Variants in PLCB4 observed in about 807,000 individuals in gnomAD.
PLCB4 encodes the protein 1-phosphatidylinositol 4,5-bisphosphate phosphodiesterase beta-4.
Under a neutral mutation model 178.8 loss-of-function variants are expected in PLCB4, and 77 were observed. The ratio of observed to expected loss-of-function variants is 0.43; its 90% CI spans 0.36 to 0.52. The LOEUF is 0.52. PLCB4 is among the 20% of genes least tolerant of loss of function. The pLI, the probability that PLCB4 is intolerant of heterozygous loss-of-function variation, is 0.00. For missense variants in PLCB4, 1,024 were observed against 1,453.4 expected (o/e 0.70, Z 4.80); for synonymous variants, 496 against 490.8 (o/e 1.01, Z -0.14).
intron 1 of PLCB4, among the ~76,000 whole-genome samples, chr20:9,078,376 C>CTTCTTTTCT (rs1428726366): frequency 1.1e-4 from 17 of 151,316 alleles, no homozygotes; most frequent in South Asian, 2.1e-4. Context: ...TTCTTCTTCT[C>CTTCTTTTCT]TTCTTTTCTT....
intron 2 of PLCB4, among the ~76,000 whole-genome samples, chr20:9,155,114 T>G (rs1218177726): frequency 2.3e-5 from 3 of 129,770 alleles, no homozygotes; most frequent in South Asian, 2.8e-4. Flanking sequence ...ACCCTTCCCC[T>G]TCTGAGTCTG....
intron 2 of PLCB4, among the ~76,000 whole-genome samples, chr20:9,154,860 C>T (rs972440275): frequency 1.1e-4 from 15 of 139,558 alleles, no homozygotes; most frequent in Middle Eastern, 7.5e-3. Flanking sequence ...CCCTCCCTCT[C>T]TCCCTCCCTT....
At chr20:9,173,818 C>T (rs984635408) in intron 2 of PLCB4, among the ~76,000 whole-genome samples, 2 of 152,134 alleles carry the variant, frequency 1.3e-5, no homozygotes, top group African/African-American at 4.8e-5. Flanking sequence ...TGTAAGGTGA[C>T]TATTCACAGG....
chr20:9,245,612 G>A lies in PLCB4; in HGVS notation c.-16+28160G>A, dbSNP rs2094116383. On this transcript the variant is annotated intron_variant, in intron 3 of 39. Transcript: ENST00000378473. ...CTCAAGCCAAGGAATGCTTCCACCAGCAGAAGTTGGAAGAGGCAAGAAATG... is the reference window on the plus strand; with the variant it reads ...CTCAAGCCAAGGAATGCTTCCACCAACAGAAGTTGGAAGAGGCAAGAAATG... Among the ~76,000 whole-genome samples the A allele has an allele frequency of 2.6e-5, 4 of 152,128 alleles. No homozygotes were observed. In the South Asian group the frequency reaches 8.3e-4, roughly 32 times the overall value.
intron 3 of PLCB4, among the ~76,000 whole-genome samples, chr20:9,298,252 C>G (rs1438336699): frequency 6.6e-6 from 1 of 152,066 alleles, no homozygotes; most frequent in African/African-American, 2.4e-5. Context: ...TATGACTATC[C>G]ATTCTTTATC....
chr20:9,076,534 A>T (rs1054198460), intron 1 of PLCB4, among the ~76,000 whole-genome samples: 1 of 152,180 alleles, frequency 6.6e-6, no homozygotes, highest in East Asian at 1.9e-4. Context: ...ATTTATGGAG[A>T]CACAGAGGTT....
intron 2 of PLCB4, among the ~76,000 whole-genome samples, chr20:9,153,836 C>T (rs554645754): frequency 3.9e-5 from 6 of 152,130 alleles, no homozygotes; most frequent in Non-Finnish European, 7.3e-5. Flanking sequence ...TTATAATCAA[C>T]CAAAATTTTG....
intron 3 of PLCB4, among the ~76,000 whole-genome samples, chr20:9,290,913 T>C (rs2094574562): frequency 6.6e-6 from 1 of 152,042 alleles, no homozygotes; most frequent in African/African-American, 2.4e-5. Context: ...AAATTACAGT[T>C]TCAGGATCTG....
chr20:9,447,288 G>C (rs1478066641), intron 32 of PLCB4, among the ~76,000 whole-genome samples: 1 of 152,198 alleles, frequency 6.6e-6, no homozygotes, highest in Admixed American at 6.5e-5. Context: ...GGTTTAGCTG[G>C]ATGGTTCTTC....
At chr20:9,395,185 C>G (rs1303011273) in intron 18 of PLCB4, among the ~76,000 whole-genome samples, 1 of 152,202 alleles carries the variant, frequency 6.6e-6, no homozygotes, top group African/African-American at 2.4e-5. Flanking sequence ...GTGCCAGATT[C>G]TCCAAATTAT....
At chr20:9,429,464 A>C (rs974718297) in intron 28 of PLCB4, among the ~76,000 whole-genome samples, 2 of 152,240 alleles carry the variant, frequency 1.3e-5, no homozygotes, top group African/African-American at 4.8e-5. Context: ...CACCAAAGAA[A>C]GATACTGGGT....
At chr20:9,103,026 C>CTTTTTT in intron 2 of PLCB4, among the ~76,000 whole-genome samples, 1 of 139,242 alleles carries the variant, frequency 7.2e-6, no homozygotes, top group Non-Finnish European at 1.5e-5. Context: ...TGCCATTGTA[C>CTTTTTT]TTTTTTTTTT....
chr20:9,345,421 T>A (rs1332085277), intron 7 of PLCB4, among the ~76,000 whole-genome samples: 1 of 152,176 alleles, frequency 6.6e-6, no homozygotes, highest in Non-Finnish European at 1.5e-5. Context: ...ACAACTAGCT[T>A]GGAAGGATTT....
rs182908355 is a variant in PLCB4, at chr20:9,345,961, C to T, written c.369+6924C>T. ...AAGAAGGAATTTATTCTTTGTTTCA[C>T]TAAAAAAAAAATTGATTCTCTATTT... On this transcript the variant is annotated intron_variant, in intron 7 of 39. Transcript: ENST00000378473. 6.7e-4 allele frequency among the ~76,000 whole-genome samples: 100 copies of T among 150,080 alleles called. 1 individual carries two copies. In the East Asian group the frequency reaches 0.019, roughly 28 times the overall value.
At chr20:9,318,837 A>C (rs1010412856) in intron 4 of PLCB4, among the ~76,000 whole-genome samples, 1 of 152,268 alleles carries the variant, frequency 6.6e-6, no homozygotes, top group Non-Finnish European at 1.5e-5. Flanking sequence ...CTAAAGAATT[A>C]AACACAATGG....
At chr20:9,173,585 T>C (rs896263274) in intron 2 of PLCB4, among the ~76,000 whole-genome samples, 2 of 152,182 alleles carry the variant, frequency 1.3e-5, no homozygotes, top group African/African-American at 4.8e-5. Flanking sequence ...AGATAATGTA[T>C]TCCTTGCCTT....
At chr20:9,364,355 G>A (rs1459908629) in intron 8 of PLCB4, among the ~76,000 whole-genome samples, 1 of 152,144 alleles carries the variant, frequency 6.6e-6, no homozygotes, top group Middle Eastern at 3.2e-3. Context: ...TATGAAGCTG[G>A]TGTTCACCCA....
Position 9,265,122 on chromosome 20 carries a change from C to G in PLCB4, c.-15-42678C>G, listed in dbSNP as rs16995706. 5.8e-3 allele frequency among the ~76,000 whole-genome samples: 878 copies of G among 152,176 alleles called. 5 individuals are homozygous for G. The highest frequency in any genetic ancestry group is 8.6e-3 in the Admixed American group (132 of 15,272). On this transcript the variant is annotated intron_variant, in intron 3 of 39. Coordinates refer to ENST00000378473, the MANE Select transcript of PLCB4 (RefSeq NM_001377142.1). The stretch of plus-strand genomic sequence containing the variant: ...ATTTCTAAAAAGAGAATGACTGGGA[C>G]CAAAATCTGTTCAGTGTTGTAGTAT...
intron 38 of PLCB4, among the ~76,000 whole-genome samples, chr20:9,474,385 C>A (rs2044403135): frequency 6.6e-6 from 1 of 152,168 alleles, no homozygotes; most frequent in Non-Finnish European, 1.5e-5. Context: ...TAATGGAAAT[C>A]CCTCTAGTTC....
Sources: gnomAD v4.1 joint callset for allele counts (sites outside exome capture counted in the v4.1 genomes callset) on GRCh38, gnomAD v4.1.1 for gene constraint, MANE v1.5 for transcripts, NCBI Gene and HGNC (gene_info 2026-07-23, HGNC 2026-07-21) for gene names.